HOMER1: variants seen among roughly 807,000 people sequenced by gnomAD.
HOMER1 encodes the protein homer scaffold protein 1.
Under a neutral mutation model 48.9 loss-of-function variants are expected in HOMER1, and 3 were observed. The ratio of observed to expected loss-of-function variants is 0.06; its 90% CI spans 0.03 to 0.16. The LOEUF is 0.16. Ranked by LOEUF, HOMER1 falls within the 10% of genes least tolerant of loss-of-function variation. HOMER1 has a pLI of 1.00. For missense variants in HOMER1, 247 were observed against 411.4 expected (o/e 0.60, Z 3.46); for synonymous variants, 134 against 146.4 (o/e 0.92, Z 0.61).
intron 8 of HOMER1, among the ~76,000 whole-genome samples, chr5:79,395,570 C>T (rs1749363075): frequency 6.6e-6 from 1 of 152,176 alleles, no homozygotes; most frequent in Admixed American, 6.5e-5. Flanking sequence ...TCTCATTTTT[C>T]CCAGACTACT....
chr5:79,496,091 T>A (rs1276882687), intron 1 of HOMER1, among the ~76,000 whole-genome samples: 1 of 152,148 alleles, frequency 6.6e-6, no homozygotes, highest in Non-Finnish European at 1.5e-5. Context: ...TGGTGCCTGG[T>A]TTGACAAAAC....
intron 1 of HOMER1, among the ~76,000 whole-genome samples, chr5:79,485,113 A>AAAACAAAACG (rs1477165258): frequency 6.7e-6 from 1 of 150,206 alleles, no homozygotes; most frequent in Admixed American, 6.6e-5. Flanking sequence ...AAAACAAAAC[A>AAAACAAAACG]AAAACACTAG....
intron 1 of HOMER1, among the ~76,000 whole-genome samples, chr5:79,459,784 A>G (rs1298556252): frequency 6.6e-6 from 1 of 152,234 alleles, no homozygotes; most frequent in Non-Finnish European, 1.5e-5. Context: ...AGTAACTGAC[A>G]GCTATGATAG....
chr5:79,485,183 T>C (rs1281755568), intron 1 of HOMER1, among the ~76,000 whole-genome samples: 1 of 152,220 alleles, frequency 6.6e-6, no homozygotes, highest in African/African-American at 2.4e-5. Context: ...GGCTATTCCC[T>C]GAGAGTACTA....
chr5:79,449,276 G>A (rs909924372), intron 3 of HOMER1, among the ~76,000 whole-genome samples: 2 of 152,236 alleles, frequency 1.3e-5, no homozygotes, highest in Admixed American at 1.3e-4. Flanking sequence ...TTCTAAAAAG[G>A]TTCTGAATGA....
chr5:79,501,774 A>G (rs560498956), intron 1 of HOMER1, among the ~76,000 whole-genome samples: 2 of 152,282 alleles, frequency 1.3e-5, no homozygotes, highest in East Asian at 3.9e-4. Flanking sequence ...TCAAAGCTAT[A>G]TTACCTCCCA....
At chr5:79,475,479 G>A (rs1426297837) in intron 1 of HOMER1, among the ~76,000 whole-genome samples, 1 of 136,164 alleles carries the variant, frequency 7.3e-6, no homozygotes, top group African/African-American at 2.8e-5. Context: ...CAGGTGAGAA[G>A]AACAGCAGGG....
chr5:79,439,179 T>C, intron 4 of HOMER1, 30 bp from the exon 5 acceptor site: 5 of 1,611,328 alleles, frequency 3.1e-6, no homozygotes, highest in Non-Finnish European at 4.2e-6. Flanking sequence ...GGATAAAAAA[T>C]AGTTACACTT....
intron 1 of HOMER1, among the ~76,000 whole-genome samples, chr5:79,470,488 C>A (rs1751587484): frequency 6.6e-6 from 1 of 152,074 alleles, no homozygotes; most frequent in Non-Finnish European, 1.5e-5. Context: ...TACACAACAC[C>A]CATCTTATAG....
intron 5 of HOMER1, among the ~76,000 whole-genome samples, chr5:79,416,298 G>C (rs1446906602): frequency 6.6e-6 from 1 of 152,174 alleles, no homozygotes; most frequent in Admixed American, 6.5e-5. Flanking sequence ...AATTTAGCAA[G>C]TTAATGAAGC....
At chr5:79,411,183 C>G (rs1749805239) in intron 5 of HOMER1, among the ~76,000 whole-genome samples, 2 of 152,088 alleles carry the variant, frequency 1.3e-5, no homozygotes, top group South Asian at 4.1e-4. Flanking sequence ...CAGTTTTTCC[C>G]TATCTAAAGT....
intron 5 of HOMER1, among the ~76,000 whole-genome samples, chr5:79,434,348 A>T (rs190682396): frequency 0.01 from 1,278 of 124,738 alleles, 14 homozygotes; most frequent in African/African-American, 0.043. Context: ...ATTATTTATT[A>T]AAAAAAAAAG....
intron 5 of HOMER1, among the ~76,000 whole-genome samples, chr5:79,412,138 A>T (rs1479815538): frequency 6.6e-6 from 1 of 152,062 alleles, no homozygotes; most frequent in East Asian, 1.9e-4. Flanking sequence ...AATTAAATTA[A>T]ATCAAATTAA....
At chr5:79,408,265 G>C (rs1749719619) in intron 5 of HOMER1, among the ~76,000 whole-genome samples, 1 of 152,138 alleles carries the variant, frequency 6.6e-6, no homozygotes, top group South Asian at 2.1e-4. Flanking sequence ...AGTGTTGAAA[G>C]AAAACAATCC....
At chr5:79,497,490 A>AAAATAAATAAAT (rs375059979) in intron 1 of HOMER1, among the ~76,000 whole-genome samples, 4 of 151,602 alleles carry the variant, frequency 2.6e-5, no homozygotes, top group Non-Finnish European at 5.9e-5. Flanking sequence ...TCTCTACTAA[A>AAAATAAATAAAT]AAATAAATAA....
intron 5 of HOMER1, among the ~76,000 whole-genome samples, chr5:79,433,462 G>A (rs12522958): frequency 6.6e-6 from 1 of 151,844 alleles, no homozygotes; most frequent in South Asian, 2.1e-4. Context: ...CAGCTACCTG[G>A]GAGGCTGAGA....
chr5:79,421,838 C>T (rs1750109501), intron 5 of HOMER1, among the ~76,000 whole-genome samples: 1 of 152,076 alleles, frequency 6.6e-6, no homozygotes, highest in South Asian at 2.1e-4. Context: ...AAACTCCTGA[C>T]CTCAGGTGAT....
At chr5:79,509,572 G>T (rs1433390451) in intron 1 of HOMER1, among the ~76,000 whole-genome samples, 2 of 152,132 alleles carry the variant, frequency 1.3e-5, no homozygotes, top group Non-Finnish European at 2.9e-5. Flanking sequence ...TTACATACAT[G>T]AATGCCTTAA....
intron 6 of HOMER1, among the ~76,000 whole-genome samples, chr5:79,398,497 TTATA>T (rs938787539): frequency 6.6e-6 from 1 of 152,146 alleles, no homozygotes; most frequent in African/African-American, 2.4e-5. Flanking sequence ...ATTCTCTCTC[TTATA>T]TAATTTTCTT....
Sources: allele counts gnomAD v4.1 joint callset (sites outside exome capture counted in the v4.1 genomes callset), GRCh38; gene constraint gnomAD v4.1.1; transcripts MANE v1.5; gene names NCBI Gene and HGNC (gene_info 2026-07-23, HGNC 2026-07-21).